RERE: variants seen among roughly 807,000 people sequenced by gnomAD.
The protein encoded by RERE is arginine-glutamic acid dipeptide repeats.
Under a neutral mutation model 146.1 loss-of-function variants are expected in RERE, and 40 were observed. That is an observed-to-expected ratio of 0.27 (90% CI 0.21 to 0.36). The LOEUF (loss-of-function observed/expected upper bound fraction) is 0.36, where lower values mean the gene tolerates loss of function less well. Ranked by LOEUF, RERE falls within the 10% of genes least tolerant of loss-of-function variation. The pLI is 1.00. For missense variants in RERE, 1,933 were observed against 2,138.7 expected (o/e 0.90, Z 1.90); for synonymous variants, 1,003 against 866.0 (o/e 1.16, Z -2.78).
intron 12 of RERE, among the ~76,000 whole-genome samples, chr1:8,384,127 C>G (rs1466730545): frequency 1.3e-5 from 2 of 152,182 alleles, no homozygotes; most frequent in African/African-American, 4.8e-5. Context: ...AACCGCCTCA[C>G]CCCAAAGCCT....
chr1:8,403,825 C>CTGTTTT (rs1643349922), intron 12 of RERE, among the ~76,000 whole-genome samples: 2 of 70,854 alleles, frequency 2.8e-5, no homozygotes, highest in Non-Finnish European at 5.0e-5. Flanking sequence ...AAAATCTTAG[C>CTGTTTT]TTTTTTTTTT....
chr1:8,568,435 T>C (rs1646178040), intron 4 of RERE, among the ~76,000 whole-genome samples: 1 of 152,186 alleles, frequency 6.6e-6, no homozygotes, highest in Non-Finnish European at 1.5e-5. Flanking sequence ...TGAAACTTAA[T>C]CCCCAATGTA....
At chr1:8,480,242 C>A (rs1391415529) in intron 10 of RERE, among the ~76,000 whole-genome samples, 1 of 149,222 alleles carries the variant, frequency 6.7e-6, no homozygotes, top group Non-Finnish European at 1.5e-5. Flanking sequence ...CGGGTTCAAG[C>A]AATTCTCCTG....
At chr1:8,464,059 C>T (rs765862569) in intron 11 of RERE, among the ~76,000 whole-genome samples, 6 of 152,192 alleles carry the variant, frequency 3.9e-5, no homozygotes, top group Non-Finnish European at 7.3e-5. Context: ...AGTATCACTA[C>T]GACTTCTCAA....
chr1:8,508,059 A>G (rs1297536125), intron 8 of RERE, among the ~76,000 whole-genome samples: 5 of 152,214 alleles, frequency 3.3e-5, no homozygotes, highest in Non-Finnish European at 7.3e-5. Context: ...TTTAAATAAA[A>G]ATATGTGATC....
chr1:8,386,023 T>TATATATATATA (rs1491131483), intron 12 of RERE, among the ~76,000 whole-genome samples: 4 of 21,724 alleles, frequency 1.8e-4, no homozygotes, highest in African/African-American at 2.0e-4. Flanking sequence ...TATATATATA[T>TATATATATATA]TTTTTTTTTT....
chr1:8,778,906 G>A (rs749099300), intron 1 of RERE, among the ~76,000 whole-genome samples: 5 of 152,006 alleles, frequency 3.3e-5, no homozygotes, highest in Non-Finnish European at 7.4e-5. Context: ...AGATTGCAGT[G>A]GTACAGTCTT....
intron 8 of RERE, among the ~76,000 whole-genome samples, chr1:8,507,108 T>C (rs1645260007): frequency 6.6e-6 from 1 of 152,090 alleles, no homozygotes; most frequent in African/African-American, 2.4e-5. Context: ...TAACTGATAC[T>C]GAGATCAAAA....
chr1:8,507,045 G>T (rs1645258171), intron 8 of RERE, among the ~76,000 whole-genome samples: 1 of 152,174 alleles, frequency 6.6e-6, no homozygotes, highest in Non-Finnish European at 1.5e-5. Context: ...TGACCAGGAT[G>T]TCATGACATG....
At chr1:8,562,791 C>A (rs1646094844) in intron 4 of RERE, among the ~76,000 whole-genome samples, 1 of 152,010 alleles carries the variant, frequency 6.6e-6, no homozygotes, top group African/African-American at 2.4e-5. Context: ...ATTATAGACC[C>A]TGGCTGGATT....
intron 2 of RERE, among the ~76,000 whole-genome samples, chr1:8,635,416 T>C (rs1314866930): frequency 1.3e-5 from 2 of 152,224 alleles, no homozygotes; most frequent in African/African-American, 4.8e-5. Context: ...TCTAAATGCT[T>C]CTTGATTCCT....
At chr1:8,519,894 A>G (rs1645468749) in intron 7 of RERE, 2 of 152,312 alleles carry the variant, frequency 1.3e-5, no homozygotes, top group African/African-American at 4.8e-5. Flanking sequence ...AATGACTCCA[A>G]TATTCTAACT....
At chr1:8,785,121 A>C (rs992778813) in intron 1 of RERE, among the ~76,000 whole-genome samples, 5 of 152,236 alleles carry the variant, frequency 3.3e-5, no homozygotes, top group Non-Finnish European at 5.9e-5. Context: ...ATAAACAGAT[A>C]TTTACTCAAA....
chr1:8,797,427 CATT>C (rs1230613621), intron 1 of RERE, among the ~76,000 whole-genome samples: 8 of 151,276 alleles, frequency 5.3e-5, no homozygotes, highest in African/African-American at 1.9e-4. Flanking sequence ...CACGCCAGAT[CATT>C]ATTGTTCTTA....
chr1:8,446,949 G>C (rs377535434), intron 11 of RERE, among the ~76,000 whole-genome samples: 1 of 151,974 alleles, frequency 6.6e-6, no homozygotes. Context: ...AAAGTGCTGG[G>C]ATTATAGGCG....
intron 12 of RERE, among the ~76,000 whole-genome samples, chr1:8,416,258 G>A (rs1020270513): frequency 6.6e-6 from 1 of 152,162 alleles, no homozygotes; most frequent in Admixed American, 6.5e-5. Flanking sequence ...GAAAAACATG[G>A]GAGTGGGAAT....
chr1:8,375,250 C>T (rs922023913), intron 12 of RERE, among the ~76,000 whole-genome samples: 22 of 152,126 alleles, frequency 1.4e-4, no homozygotes, highest in African/African-American at 2.7e-4. Context: ...AAATGGATAC[C>T]GAATTGCCAC....
intron 1 of RERE, among the ~76,000 whole-genome samples, chr1:8,741,266 C>T (rs1470670289): frequency 2.0e-5 from 3 of 152,164 alleles, no homozygotes; most frequent in Non-Finnish European, 4.4e-5. Flanking sequence ...CATACTTTTA[C>T]CTCTATGAAG....
chr1:8,360,169 C>T lies in RERE; in HGVS notation c.3338G>A (p.Ser1113Asn), dbSNP rs781369484. The T allele has an allele frequency of 2.5e-6, 4 of 1,599,708 alleles. No individual in the cohort carries two copies. Among genetic ancestry groups the T allele is most frequent in the Non-Finnish European group, 3.4e-6 (4 of 1,173,638 alleles). The change falls in exon 18 of 23, where the codon AGC (serine) becomes AAC (asparagine). Residue 1113 changes from serine to asparagine, a missense_variant. Coordinates refer to ENST00000400908, the MANE Select transcript of RERE (RefSeq NM_001042681.2). Reference protein sequence around the residue: ...EPESPPPPPRSPSPEPTVVDT... With the variant: ...EPESPPPPPRNPSPEPTVVDT... The stretch of plus-strand genomic sequence containing the variant: ...CACCACAGTGGGCTCCGGGGACGGG[C>T]TCCTTGGTGGGGGAGGGGGGCTCTC...
Sources: gnomAD v4.1 joint callset for allele counts (sites outside exome capture counted in the v4.1 genomes callset) on GRCh38, gnomAD v4.1.1 for gene constraint, MANE v1.5 for transcripts, NCBI Gene and HGNC (gene_info 2026-07-23, HGNC 2026-07-21) for gene names.